The following AKAP6 variants were observed in gnomAD, a reference collection of about 807,000 sequenced individuals.
AKAP6 encodes the protein A-kinase anchor protein 6.
AKAP6 carries 58 observed loss-of-function variants against 188.5 expected under a neutral mutation model. The observed-to-expected ratio is 0.31, with a 90% CI of 0.25 to 0.38. The LOEUF (loss-of-function observed/expected upper bound fraction) is 0.38, where lower values mean the gene tolerates loss of function less well. Among genes scored for constraint, AKAP6 ranks in the 10% least tolerant of loss-of-function variants. AKAP6 has a pLI of 1.00. For missense variants in AKAP6, 2,710 were observed against 2,740.0 expected, an observed-to-expected ratio of 0.99 and a Z score of 0.24; for synonymous variants, 989 against 998.6, an observed-to-expected ratio of 0.99 and a Z score of 0.18.
intron 9 of AKAP6, among the ~76,000 whole-genome samples, chr14:32,709,388 C>A (rs1890946970): frequency 6.6e-6 from 1 of 151,950 alleles, no homozygotes; most frequent in Non-Finnish European, 1.5e-5. Context: ...GAACTATACC[C>A]TGGTGGGGTG....
chr14:32,791,948 T>G (rs939986524), intron 12 of AKAP6, among the ~76,000 whole-genome samples: 3 of 152,176 alleles, frequency 2.0e-5, no homozygotes, highest in African/African-American at 7.2e-5. Flanking sequence ...TGGTGTTATT[T>G]CTGAGGCCTC....
At chr14:32,451,493 C>G (rs111460599) in intron 2 of AKAP6, among the ~76,000 whole-genome samples, 10 of 152,178 alleles carry the variant, frequency 6.6e-5, no homozygotes, top group African/African-American at 2.4e-4. Context: ...ATAGTTATGC[C>G]AAAGTACAGA....
At chr14:32,755,438 TGTTA>T (rs1200226091) in intron 11 of AKAP6, among the ~76,000 whole-genome samples, 1 of 151,914 alleles carries the variant, frequency 6.6e-6, no homozygotes, top group African/African-American at 2.4e-5. Context: ...TATTGTTGTT[TGTTA>T]GTTTTGTTAG....
intron 2 of AKAP6, among the ~76,000 whole-genome samples, chr14:32,455,295 A>C (rs2138798725): frequency 6.6e-6 from 1 of 152,242 alleles, no homozygotes; most frequent in South Asian, 2.1e-4. Context: ...GTGATATGAA[A>C]ATATGCAGAT....
At chr14:32,492,540 T>A (rs1364147160) in intron 2 of AKAP6, among the ~76,000 whole-genome samples, 1 of 151,994 alleles carries the variant, frequency 6.6e-6, no homozygotes, top group Non-Finnish European at 1.5e-5. Flanking sequence ...TTGGTTCTAG[T>A]CAGAAAATCT....
intron 12 of AKAP6, among the ~76,000 whole-genome samples, chr14:32,801,449 T>C (rs1327208114): frequency 6.6e-6 from 1 of 152,228 alleles, no homozygotes; most frequent in Non-Finnish European, 1.5e-5. Flanking sequence ...TCCCATTTCT[T>C]ACAACATTGC....
intron 8 of AKAP6, among the ~76,000 whole-genome samples, chr14:32,694,567 A>G (rs143736999): frequency 9.8e-5 from 15 of 152,300 alleles, no homozygotes; most frequent in African/African-American, 3.1e-4. Context: ...AACTACATCA[A>G]CTATAACCGT....
chr14:32,713,677 C>G (rs1159778876), intron 9 of AKAP6, among the ~76,000 whole-genome samples: 1 of 152,064 alleles, frequency 6.6e-6, no homozygotes, highest in Non-Finnish European at 1.5e-5. Context: ...AACATTTCTT[C>G]TGCAGCTTCC....
In AKAP6 at chr14:32,834,955, TAAAC is replaced by T. The variant is rs2034859484; in HGVS notation, c.*5154_*5157del. On this transcript the variant is annotated 3_prime_UTR_variant, in exon 14 of 14. Coordinates refer to ENST00000280979, the MANE Select transcript of AKAP6 (RefSeq NM_004274.5). The stretch of plus-strand genomic sequence containing the variant: ...AACAATTTTTACATTTTTTAGTAGT[TAAAC>T]AAAAGAATACTTCATGACATGTGAA... 1 of 152,202 alleles carries T rather than the reference TAAAC, an allele frequency of 6.6e-6. No homozygotes were observed. The highest frequency in any genetic ancestry group is 2.4e-5 in the African/African-American group (1 of 41,450). The allele number at this position is 152,202 out of a possible 1,614,324, so 9.4% of individuals were successfully genotyped here.
At chr14:32,556,940 A>T (rs1266928469) in intron 4 of AKAP6, among the ~76,000 whole-genome samples, 1 of 150,584 alleles carries the variant, frequency 6.6e-6, no homozygotes, top group Non-Finnish European at 1.5e-5. Context: ...TTAAATTTCA[A>T]TGTAGTTCCC....
chr14:32,578,849 T>C (rs1207792622), intron 5 of AKAP6, among the ~76,000 whole-genome samples: 4 of 151,974 alleles, frequency 2.6e-5, no homozygotes, highest in South Asian at 2.1e-4. Flanking sequence ...TTGAATGATA[T>C]GGCCTCTTTG....
chr14:32,730,207 T>G (rs2031105509), intron 9 of AKAP6, among the ~76,000 whole-genome samples: 1 of 152,160 alleles, frequency 6.6e-6, no homozygotes, highest in Non-Finnish European at 1.5e-5. Context: ...CATCCATATA[T>G]CAATACATCT....
At chr14:32,724,009 C>T (rs996749751) in intron 9 of AKAP6, among the ~76,000 whole-genome samples, 1 of 152,162 alleles carries the variant, frequency 6.6e-6, no homozygotes, top group African/African-American at 2.4e-5. Context: ...GAATCAGCCA[C>T]AGTGGGAGTA....
intron 2 of AKAP6, among the ~76,000 whole-genome samples, chr14:32,526,906 A>G (rs1199551913): frequency 6.6e-6 from 1 of 152,126 alleles, no homozygotes; most frequent in East Asian, 1.9e-4. Flanking sequence ...CATTGTCAGC[A>G]CCTCCCACTA....
intron 3 of AKAP6, among the ~76,000 whole-genome samples, chr14:32,543,826 T>C (rs1186506603): frequency 6.6e-6 from 1 of 152,152 alleles, no homozygotes; most frequent in Admixed American, 6.5e-5. Context: ...GCTACTCTTA[T>C]GTAAGAAAGG....
At chr14:32,670,274 G>A (rs891106109) in intron 7 of AKAP6, among the ~76,000 whole-genome samples, 4 of 151,958 alleles carry the variant, frequency 2.6e-5, no homozygotes, top group African/African-American at 9.7e-5. Flanking sequence ...GGGATTATGG[G>A]AACTACAATT....
intron 1 of AKAP6, among the ~76,000 whole-genome samples, chr14:32,349,772 A>G (rs1887200026): frequency 3.3e-5 from 5 of 152,166 alleles, no homozygotes; most frequent in African/African-American, 9.7e-5. Flanking sequence ...TTCATCAATA[A>G]AAGGAATCAG....
chr14:32,797,455 C>A (rs2033805233), intron 12 of AKAP6, among the ~76,000 whole-genome samples: 1 of 152,152 alleles, frequency 6.6e-6, no homozygotes, highest in Non-Finnish European at 1.5e-5. Context: ...AGACCATGTC[C>A]TTTGCAGGGA....
At chr14:32,708,393 G>A (rs904945647) in intron 9 of AKAP6, among the ~76,000 whole-genome samples, 15 of 143,806 alleles carry the variant, frequency 1.0e-4, no homozygotes, top group African/African-American at 3.6e-4. Context: ...ATGTGCACAT[G>A]TGAGAGAAAG....
Sources: gnomAD v4.1 joint callset for allele counts (sites outside exome capture counted in the v4.1 genomes callset) on GRCh38, gnomAD v4.1.1 for gene constraint, MANE v1.5 for transcripts, NCBI Gene and HGNC (gene_info 2026-07-23, HGNC 2026-07-21) for gene names.